The following COL24A1 variants were observed in gnomAD, a reference collection of about 807,000 sequenced individuals.
The protein encoded by COL24A1 is collagen alpha-1(XXIV) chain.
A neutral mutation model predicts 253.9 loss-of-function variants in COL24A1; 224 were observed. The observed-to-expected ratio is 0.88, with a 90% CI of 0.79 to 0.99. The LOEUF (loss-of-function observed/expected upper bound fraction) is 0.99, where lower values mean the gene tolerates loss of function less well. Ranked by LOEUF, COL24A1 falls within the 50% of genes least tolerant of loss-of-function variation. The pLI is 0.00. For synonymous variants in COL24A1, 685 were observed against 673.7 expected, an observed-to-expected ratio of 1.02 and a Z score of -0.26; for missense variants, 2,131 against 2,068.5, an observed-to-expected ratio of 1.03 and a Z score of -0.59.
Position 85,730,648 on chromosome 1 carries a change from G to A in COL24A1, c.5043C>T (p.Thr1681=). ...SWHKATFLFH[T]QEPNQLPVIE... is the part of the protein sequence containing the mutation. Reference sequence around the variant, plus strand: ...TCACTGGAAGTTGATTAGGTTCCTGGGTGTGAAAAAGAAATGTTGCCTTAT... The same window carrying A: ...TCACTGGAAGTTGATTAGGTTCCTGAGTGTGAAAAAGAAATGTTGCCTTAT... The change falls in exon 60 of 60, where the codon ACC becomes ACT. Residue 1681 remains threonine (T), a synonymous_variant. Transcript: ENST00000370571. 1 of 1,613,916 alleles carries A rather than the reference G, an allele frequency of 6.2e-7. No homozygotes were observed. Among genetic ancestry groups the A allele is most frequent in the East Asian group, 2.2e-5 (1 of 44,860 alleles).
At chr1:85,893,537 A>C (rs1388913344) in intron 31 of COL24A1, among the ~76,000 whole-genome samples, 3 of 152,196 alleles carry the variant, frequency 2.0e-5, no homozygotes, top group Admixed American at 6.5e-5. Context: ...AGAACCTAAA[A>C]TAGTGATCCA....
Position 85,989,463 on chromosome 1 carries a change from T to C in COL24A1, c.2311-1809A>G, listed in dbSNP as rs1034066826. 3.3e-5 allele frequency among the ~76,000 whole-genome samples: 5 copies of C among 152,184 alleles called. No homozygotes were observed. In the East Asian group the frequency reaches 9.6e-4, roughly 29 times the overall value. On this transcript the variant is annotated intron_variant, in intron 19 of 59. Transcript: ENST00000370571. The stretch of plus-strand genomic sequence containing the variant: ...AGTCTGAACCACTTTTCTACAAACC[T>C]CCCTCCACAACCCTAGGGCAAGTCA...
Position 86,125,997 on chromosome 1 carries a change from C to T in COL24A1, c.339G>A (p.Gln113=). 6.2e-7 allele frequency: 1 copy of T among 1,613,558 alleles called. No homozygotes were observed. The highest frequency in any genetic ancestry group is 1.1e-5 in the South Asian group (1 of 91,062). Residue 113 remains glutamine, a synonymous_variant, in exon 3 of 60, where the codon CAG becomes CAA. Transcript: ENST00000370571. ...GQPFTILTGL[Q]SHRVNNAFLF... Reference sequence around the variant, plus strand: ...GAAATGCATTGTTCACCCGATGTGACTGTAACCCAGTTAATATTGTAAACG... The same window carrying T: ...GAAATGCATTGTTCACCCGATGTGATTGTAACCCAGTTAATATTGTAAACG...
intron 37 of COL24A1, among the ~76,000 whole-genome samples, chr1:85,867,270 A>G (rs893943780): frequency 7.9e-5 from 12 of 152,200 alleles, no homozygotes; most frequent in African/African-American, 2.9e-4. Flanking sequence ...GTAAACCACT[A>G]CTTTGTCTTC....
intron 52 of COL24A1, among the ~76,000 whole-genome samples, chr1:85,779,858 C>A (rs1668975032): frequency 6.6e-6 from 1 of 152,038 alleles, no homozygotes; most frequent in Non-Finnish European, 1.5e-5. Flanking sequence ...TCATAATGAA[C>A]TTTTCTTCTC....
chr1:85,811,874 A>C (rs1672579375), intron 47 of COL24A1, among the ~76,000 whole-genome samples: 1 of 152,174 alleles, frequency 6.6e-6, no homozygotes, highest in Non-Finnish European at 1.5e-5. Context: ...TAATATTTGG[A>C]CCTCATGACT....
At chr1:86,056,309 T>C (rs976844432) in intron 10 of COL24A1, among the ~76,000 whole-genome samples, 2 of 152,128 alleles carry the variant, frequency 1.3e-5, no homozygotes, top group African/African-American at 4.8e-5. Flanking sequence ...AGGTCAGGGC[T>C]AAAGGTGAAA....
At chr1:86,062,397 T>TG (rs981176339) in intron 8 of COL24A1, among the ~76,000 whole-genome samples, 1 of 146,316 alleles carries the variant, frequency 6.8e-6, no homozygotes, top group South Asian at 2.1e-4. Flanking sequence ...AAATTTTGCC[T>TG]GTTTTTTTTT....
chr1:86,031,947 C>T (rs370172398), intron 13 of COL24A1, 25 bp from the exon 14 acceptor site: 134 of 1,595,288 alleles, frequency 8.4e-5, no homozygotes, highest in Non-Finnish European at 1.0e-4. Flanking sequence ...ATTTGCAATA[C>T]TTATTAAATT....
chr1:86,108,644 AAAAAAAT>A (rs1466579756), intron 5 of COL24A1, among the ~76,000 whole-genome samples: 7 of 146,262 alleles, frequency 4.8e-5, no homozygotes, highest in Middle Eastern at 3.2e-3. Flanking sequence ...AAAAAAAAAA[AAAAAAAT>A]TTTAAATTAG....
At chr1:85,994,323 C>T (rs1041477960) in intron 19 of COL24A1, among the ~76,000 whole-genome samples, 1 of 150,396 alleles carries the variant, frequency 6.6e-6, no homozygotes, top group Non-Finnish European at 1.5e-5. Flanking sequence ...ATTCAATAAA[C>T]ATTCAATGGC....
At chr1:85,854,479 T>C (rs1320143139) in intron 37 of COL24A1, among the ~76,000 whole-genome samples, 1 of 152,236 alleles carries the variant, frequency 6.6e-6, no homozygotes, top group Non-Finnish European at 1.5e-5. Flanking sequence ...AATTTTAGAA[T>C]GGCTTTTGCT....
At chr1:86,102,543 T>G (rs1234336900) in intron 5 of COL24A1, among the ~76,000 whole-genome samples, 1 of 152,210 alleles carries the variant, frequency 6.6e-6, no homozygotes, top group African/African-American at 2.4e-5. Flanking sequence ...CCCTTAATAC[T>G]GCCTTAGCTG....
chr1:85,942,662 T>G (rs1326476788), intron 24 of COL24A1, among the ~76,000 whole-genome samples: 2 of 152,138 alleles, frequency 1.3e-5, no homozygotes, highest in African/African-American at 4.8e-5. Flanking sequence ...AAGTCTAAAA[T>G]TCCAAAAATC....
intron 7 of COL24A1, among the ~76,000 whole-genome samples, chr1:86,085,058 C>T (rs564823075): frequency 1.3e-5 from 2 of 152,336 alleles, no homozygotes; most frequent in South Asian, 4.1e-4. Flanking sequence ...TATCTTTCTT[C>T]AGGCACTGAT....
chr1:85,793,654 C>A (rs899152324), intron 47 of COL24A1, among the ~76,000 whole-genome samples: 4 of 152,100 alleles, frequency 2.6e-5, no homozygotes, highest in African/African-American at 7.2e-5. Context: ...TTTCCATGAG[C>A]CTTTCTGTTC....
At chr1:86,051,086 C>A (rs1019807759) in intron 10 of COL24A1, among the ~76,000 whole-genome samples, 1 of 151,982 alleles carries the variant, frequency 6.6e-6, no homozygotes, top group African/African-American at 2.4e-5. Context: ...AGCATACAGC[C>A]ATGACAGGAA....
intron 35 of COL24A1, 152 bp from the exon 36 acceptor site, chr1:85,868,987 G>A (rs1680105464): frequency 3.6e-6 from 2 of 549,444 alleles, no homozygotes; most frequent in South Asian, 3.1e-5. Flanking sequence ...ACAGTAAAAT[G>A]AGAATGATTT....
intron 9 of COL24A1, among the ~76,000 whole-genome samples, chr1:86,058,294 T>A (rs1559145644): frequency 6.6e-6 from 1 of 151,906 alleles, no homozygotes; most frequent in East Asian, 1.9e-4. Flanking sequence ...TCTAATTAAC[T>A]TATTCTAAAA....
Sources: allele counts gnomAD v4.1 joint callset (sites outside exome capture counted in the v4.1 genomes callset), GRCh38; gene constraint gnomAD v4.1.1; transcripts MANE v1.5; gene names NCBI Gene and HGNC (gene_info 2026-07-23, HGNC 2026-07-21).